STARD13: variants seen among roughly 807,000 people sequenced by gnomAD.
The protein encoded by STARD13 is StAR related lipid transfer domain containing 13.
A neutral mutation model predicts 106.4 loss-of-function variants in STARD13; 62 were observed. That is an observed-to-expected ratio of 0.58 (90% CI 0.48 to 0.72). The LOEUF is 0.72. STARD13 is among the 30% of genes least tolerant of loss of function. The probability of loss-of-function intolerance (pLI) is 0.00; values close to 1 mark genes in which losing one functional copy is unlikely to be tolerated. For synonymous variants in STARD13, 565 were observed against 553.0 expected (o/e 1.02, Z -0.31); for missense variants, 1,387 against 1,424.0 (o/e 0.97, Z 0.42).
the STARD13 span, among the ~76,000 whole-genome samples, chr13:33,379,407 G>A: frequency 2.2e-3 from 334 of 152,224 alleles, 1 homozygote; most frequent in African/African-American, 7.8e-3. Context: ...GGTTTTAATT[G>A]GAAGGATTAT....
chr13:33,648,405 T>C, the STARD13 span, among the ~76,000 whole-genome samples: 2 of 152,252 alleles, frequency 1.3e-5, no homozygotes, highest in African/African-American at 4.8e-5. Context: ...TGGGGTCAAA[T>C]CGTAGCTCTG....
At chr13:33,453,758 A>G in the STARD13 span, among the ~76,000 whole-genome samples, 1 of 152,232 alleles carries the variant, frequency 6.6e-6, no homozygotes, top group Admixed American at 6.5e-5. Context: ...TTCTCCAAAC[A>G]TGAAAAATGT....
the STARD13 span, among the ~76,000 whole-genome samples, chr13:33,669,566 C>T: frequency 0.01 from 1,365 of 133,106 alleles, 19 homozygotes; most frequent in African/African-American, 0.037. Context: ...GACAGAATCT[C>T]ACTCTGTCAC....
chr13:33,673,218 T>C, the STARD13 span, among the ~76,000 whole-genome samples: 1 of 152,230 alleles, frequency 6.6e-6, no homozygotes, highest in Non-Finnish European at 1.5e-5. Flanking sequence ...TCTTATGTTC[T>C]TATTTTCTTA....
the STARD13 span, among the ~76,000 whole-genome samples, chr13:33,382,074 C>T: frequency 6.6e-6 from 1 of 152,196 alleles, no homozygotes; most frequent in African/African-American, 2.4e-5. Context: ...GACCAGGAGA[C>T]CAGGCTACGC....
At chr13:33,620,286 CTTTTTTT>C in the STARD13 span, among the ~76,000 whole-genome samples, 2 of 142,748 alleles carry the variant, frequency 1.4e-5, no homozygotes, top group African/African-American at 5.1e-5. Context: ...TTTCTTTTTT[CTTTTTTT>C]TTTTTTTGAG....
chr13:33,614,157 G>A, the STARD13 span, among the ~76,000 whole-genome samples: 3 of 152,128 alleles, frequency 2.0e-5, no homozygotes, highest in Non-Finnish European at 4.4e-5. Context: ...TGGTGCTCCA[G>A]CTTCCTGAGG....
chr13:33,555,720 G>C, the STARD13 span, among the ~76,000 whole-genome samples: 1 of 152,168 alleles, frequency 6.6e-6, no homozygotes, highest in East Asian at 1.9e-4. Flanking sequence ...ACCTAGAAAA[G>C]TCCCTGATCC....
At chr13:33,528,227 T>TATATATATATATATACATATATATATAC in the STARD13 span, among the ~76,000 whole-genome samples, 3 of 110,970 alleles carry the variant, frequency 2.7e-5, no homozygotes, top group Non-Finnish European at 3.7e-5. Context: ...TGTGTGTGTG[T>TATATATATATATATACATATATATATAC]ATATATATAT....
chr13:33,154,970 G>T (rs926968858), intron 3 of STARD13, among the ~76,000 whole-genome samples: 1 of 151,856 alleles, frequency 6.6e-6, no homozygotes, highest in Non-Finnish European at 1.5e-5. Flanking sequence ...CTTTTCACTT[G>T]GGGCTTCTTT....
At chr13:33,568,939 T>TTA in the STARD13 span, among the ~76,000 whole-genome samples, 1 of 148,000 alleles carries the variant, frequency 6.8e-6, no homozygotes, top group South Asian at 2.1e-4. Context: ...AACTTATACT[T>TTA]TTTTAAACTA....
chr13:33,590,940 G>A, the STARD13 span, among the ~76,000 whole-genome samples: 1 of 152,090 alleles, frequency 6.6e-6, no homozygotes, highest in African/African-American at 2.4e-5. Flanking sequence ...TTTCCAATCT[G>A]CAATTTTTAA....
At chr13:33,353,991 G>A (rs2078103707), upstream of STARD13, among the ~76,000 whole-genome samples, 1 of 152,184 alleles carries the variant, frequency 6.6e-6, no homozygotes, top group Admixed American at 6.5e-5. Context: ...CTAGGGCCAT[G>A]TATTGTTTCC....
chr13:33,535,496 A>G, the STARD13 span, among the ~76,000 whole-genome samples: 3 of 152,080 alleles, frequency 2.0e-5, no homozygotes, highest in African/African-American at 7.3e-5. Flanking sequence ...ATAAAATTGT[A>G]TTTTAGTAAC....
the STARD13 span, among the ~76,000 whole-genome samples, chr13:33,589,827 G>T: frequency 2.0e-5 from 3 of 152,168 alleles, no homozygotes; most frequent in Admixed American, 2.0e-4. Context: ...GCTTGGTGCA[G>T]AGCTGAGTTC....
intron 1 of STARD13, among the ~76,000 whole-genome samples, chr13:33,300,958 A>G (rs1594236992): frequency 6.6e-6 from 1 of 152,288 alleles, no homozygotes; most frequent in Non-Finnish European, 1.5e-5. Context: ...CAGTGGCATA[A>G]TGAACACTGC....
the STARD13 span, among the ~76,000 whole-genome samples, chr13:33,609,025 G>A: frequency 6.9e-6 from 1 of 144,552 alleles, no homozygotes; most frequent in Admixed American, 7.0e-5. Flanking sequence ...GGCGGAGCTT[G>A]CAGTGAGCCG....
At chr13:33,330,809 G>A (rs1277900556) in intron 1 of STARD13, among the ~76,000 whole-genome samples, 1 of 152,160 alleles carries the variant, frequency 6.6e-6, no homozygotes, top group African/African-American at 2.4e-5. Flanking sequence ...CGCCCCCAGA[G>A]ACCGGAAACC....
At chr13:33,217,394 C>G (rs1174031773) in intron 1 of STARD13, among the ~76,000 whole-genome samples, 1 of 152,230 alleles carries the variant, frequency 6.6e-6, no homozygotes, top group Non-Finnish European at 1.5e-5. Flanking sequence ...TTGGCCTCTT[C>G]AAAACCCTCT....
Sources: allele counts gnomAD v4.1 joint callset (sites outside exome capture counted in the v4.1 genomes callset), GRCh38; gene constraint gnomAD v4.1.1; transcripts MANE v1.5; gene names NCBI Gene and HGNC (gene_info 2026-07-23, HGNC 2026-07-21).